ZHX1: variants seen among roughly 807,000 people sequenced by gnomAD.
ZHX1 encodes the protein zinc fingers and homeoboxes protein 1.
Under a neutral mutation model 61.8 loss-of-function variants are expected in ZHX1, and 20 were observed. The observed-to-expected ratio is 0.32, with a 90% CI of 0.23 to 0.47. The LOEUF (loss-of-function observed/expected upper bound fraction) is 0.47, where lower values mean the gene tolerates loss of function less well. Among genes scored for constraint, ZHX1 ranks in the 20% least tolerant of loss-of-function variants. The pLI, the probability that ZHX1 is intolerant of heterozygous loss-of-function variation, is 1.00. For synonymous variants in ZHX1, 318 were observed against 352.6 expected (o/e 0.90, Z 1.10); for missense variants, 800 against 1,034.8 (o/e 0.77, Z 3.11).
At position 123,249,917 on chromosome 8, in the gene ZHX1, C is replaced by T. The variant is rs1490443409; in HGVS notation, c.*407G>A. On this transcript the variant is annotated 3_prime_UTR_variant, in exon 4 of 4. Coordinates refer to ENST00000395571, the MANE Select transcript of ZHX1 (RefSeq NM_007222.5). Reference sequence around the variant, plus strand: ...TTGGTCAAAGTTCTAAGCTTAATCACATCTCAAAGAATAGAGGCAATATAT... The same window carrying T: ...TTGGTCAAAGTTCTAAGCTTAATCATATCTCAAAGAATAGAGGCAATATAT... 1 of 144,036 alleles carries T rather than the reference C, an allele frequency of 6.9e-6. No homozygotes were observed. The highest frequency in any genetic ancestry group is 1.5e-5 in the Non-Finnish European group (1 of 66,566). 8.9% of individuals were successfully genotyped at this position (144,036 alleles called of 1,614,324 possible).
At chr8:123,270,247 T>C (rs980907290) in intron 1 of ZHX1, among the ~76,000 whole-genome samples, 2 of 151,948 alleles carry the variant, frequency 1.3e-5, no homozygotes, top group Non-Finnish European at 2.9e-5. Flanking sequence ...TATCAGAACC[T>C]CCTATCTTCT....
In ZHX1 at chr8:123,253,919, C is replaced by T. The variant is rs1186951216; in HGVS notation, c.2028G>A (p.Lys676=). The T allele has an allele frequency of 1.2e-6, 2 of 1,614,238 alleles. No homozygotes were observed. The highest frequency in any genetic ancestry group is 3.3e-5 in the Admixed American group (2 of 60,018). ...KKTPEQLHML[K]SAFVRTQWPS... ...GCCACTGTGTCCGGACAAATGCACT[C>T]TTAAGCATGTGCAGCTGCTCAGGTG... The change falls in exon 3 of 4, where the codon AAG becomes AAA. Residue 676 remains lysine, a synonymous_variant. Coordinates refer to ENST00000395571, the MANE Select transcript of ZHX1 (RefSeq NM_007222.5).
intron 1 of ZHX1, among the ~76,000 whole-genome samples, chr8:123,273,448 C>T (rs141832160): frequency 2.0e-5 from 3 of 152,294 alleles, no homozygotes; most frequent in Admixed American, 6.5e-5. Flanking sequence ...CCCCCACACC[C>T]CCACGCCCCT....
At chr8:123,258,768 T>C (rs1477523316) in intron 2 of ZHX1, among the ~76,000 whole-genome samples, 1 of 152,172 alleles carries the variant, frequency 6.6e-6, no homozygotes, top group Non-Finnish European at 1.5e-5. Flanking sequence ...ATTAGGATCA[T>C]AAAATATATT....
chr8:123,266,107 C>A (rs1032885953), intron 2 of ZHX1, among the ~76,000 whole-genome samples: 1 of 152,064 alleles, frequency 6.6e-6, no homozygotes, highest in Non-Finnish European at 1.5e-5. Flanking sequence ...TAGGTAAGTA[C>A]GTAATACATT....
chr8:123,263,825 C>T (rs555646139), intron 2 of ZHX1, among the ~76,000 whole-genome samples: 1 of 151,546 alleles, frequency 6.6e-6, no homozygotes, highest in Non-Finnish European at 1.5e-5. Context: ...CAGAAGAAGA[C>T]TCCGTCTCAA....
chr8:123,268,536 A>T (rs913299831), intron 1 of ZHX1, among the ~76,000 whole-genome samples: 4 of 152,004 alleles, frequency 2.6e-5, no homozygotes, highest in African/African-American at 7.3e-5. Flanking sequence ...TGTGTCGCCC[A>T]GCTGGAGTGC....
At position 123,249,842 on chromosome 8, in the gene ZHX1, T is replaced by TG. The variant is rs2131181425; in HGVS notation, c.*481_*482insC. 1.3e-5 allele frequency: 2 copies of TG among 150,498 alleles called. No homozygotes were observed. Among genetic ancestry groups the TG allele is most frequent in the South Asian group, 2.1e-4 (1 of 4,800 alleles). The allele number at this position is 150,498 out of a possible 1,614,324, so 9.3% of individuals were successfully genotyped here. On this transcript the variant is annotated 3_prime_UTR_variant, in exon 4 of 4. Transcript: ENST00000395571. ...AGACATAGTAATAAATCAGGGTTTT[T>TG]TTTTTTTTTTTTTTTTTACCCATTT...
At chr8:123,250,352 A>C in intron 3 of ZHX1, 32 bp from the exon 4 acceptor site, 1 of 379,698 alleles carries the variant, frequency 2.6e-6, no homozygotes, top group Non-Finnish European at 5.2e-6. Context: ...AAAAACTGAA[A>C]ATTTAAAGAA....
At chr8:123,253,020 C>A (rs1452133185) in intron 3 of ZHX1, 1 of 257,058 alleles carries the variant, frequency 3.9e-6, no homozygotes, top group Admixed American at 5.3e-5. Flanking sequence ...TGTGAATCCC[C>A]TCAACCTGCC....
In ZHX1 at chr8:123,255,934, G is replaced by T; in HGVS notation, c.13C>A (p.Arg5=). 6.2e-7 allele frequency: 1 copy of T among 1,602,920 alleles called. No homozygotes were observed. The highest frequency in any genetic ancestry group is 1.1e-5 in the South Asian group (1 of 89,348). The change falls in exon 3 of 4, where the codon CGA becomes AGA. Residue 5 remains arginine, a synonymous_variant. Transcript: ENST00000395571. ...ACCATGCAAGGTGTTGTTGATTTTC[G>T]CCTGCTTGCCATTCTGATGTTATGA... MASR[R]KSTTPCMVLA... is the part of the protein sequence containing the mutation.
chr8:123,269,783 A>G lies in ZHX1; in HGVS notation c.-339-2397T>C, dbSNP rs1443317173. Among the ~76,000 whole-genome samples, 3 of 152,382 alleles carry G rather than the reference A, an allele frequency of 2.0e-5. No homozygotes were observed. In the East Asian group the frequency reaches 5.8e-4, roughly 29 times the overall value. ...TGGAATATTCCTTGGTACTTAGAAC[A>G]CAATGAATGTTAGCAAAGAAATCTT... On this transcript the variant is annotated intron_variant, in intron 1 of 3. Coordinates refer to ENST00000395571, the MANE Select transcript of ZHX1 (RefSeq NM_007222.5).
intron 1 of ZHX1, among the ~76,000 whole-genome samples, chr8:123,268,738 C>T (rs1192136755): frequency 6.6e-6 from 1 of 152,110 alleles, no homozygotes; most frequent in South Asian, 2.1e-4. Context: ...GTGATCTGCC[C>T]GCCTTGGCCT....
chr8:123,260,782 TGGCAGGGGC>T (rs1826225113), intron 2 of ZHX1, among the ~76,000 whole-genome samples: 1 of 151,658 alleles, frequency 6.6e-6, no homozygotes, highest in Non-Finnish European at 1.5e-5. Context: ...TTTGGGAAGC[TGGCAGGGGC>T]GCGGTGCATC....
intron 2 of ZHX1, among the ~76,000 whole-genome samples, chr8:123,258,185 G>A (rs964779044): frequency 2.0e-5 from 3 of 152,110 alleles, no homozygotes; most frequent in Non-Finnish European, 2.9e-5. Context: ...GTGAGTTCTC[G>A]CTCTACCAGT....
chr8:123,259,393 T>G (rs1193491722), intron 2 of ZHX1, among the ~76,000 whole-genome samples: 4 of 152,226 alleles, frequency 2.6e-5, no homozygotes, highest in African/African-American at 7.2e-5. Context: ...GCCATTTTTT[T>G]TTTCAAGTAT....
In ZHX1 at chr8:123,255,868, C is replaced by A; in HGVS notation, c.79G>T (p.Asp27Tyr). ...AGCACAGGAGGACCTTCATCCAAAT[C>A]TGATATCAACTCAAGGTCTGGATCT... ...EQDPDLELIS[D>Y]LDEGPPVLTP... The change falls in exon 3 of 4, where the codon GAT becomes TAT. Residue 27 changes from aspartate (D) to tyrosine (Y), a missense_variant. By Grantham distance (160) the Asp-to-Tyr change is radical. Coordinates refer to ENST00000395571, the MANE Select transcript of ZHX1 (RefSeq NM_007222.5). 6.2e-7 allele frequency: 1 copy of A among 1,614,186 alleles called. No homozygotes were observed. The highest frequency in any genetic ancestry group is 8.5e-7 in the Non-Finnish European group (1 of 1,180,024).
chr8:123,274,720 C>T (rs928765934), upstream of ZHX1, among the ~76,000 whole-genome samples: 3 of 152,092 alleles, frequency 2.0e-5, no homozygotes, highest in African/African-American at 4.8e-5. Flanking sequence ...TGCCTGCGAC[C>T]GCTCCGCCCG....
chr8:123,258,709 C>G (rs1826153419), intron 2 of ZHX1, among the ~76,000 whole-genome samples: 1 of 152,032 alleles, frequency 6.6e-6, no homozygotes, highest in Admixed American at 6.5e-5. Context: ...CCATAGAGAA[C>G]AGTATCTGAA....
Sources: gnomAD v4.1 joint callset for allele counts (sites outside exome capture counted in the v4.1 genomes callset) on GRCh38, gnomAD v4.1.1 for gene constraint, MANE v1.5 for transcripts, NCBI Gene and HGNC (gene_info 2026-07-23, HGNC 2026-07-21) for gene names.